The following LAMC1 variants were observed in gnomAD, a reference collection of about 807,000 sequenced individuals.
LAMC1 encodes laminin subunit gamma 1.
A neutral mutation model predicts 173.6 loss-of-function variants in LAMC1; 38 were observed. The ratio of observed to expected loss-of-function variants is 0.22; its 90% CI spans 0.17 to 0.29. The LOEUF (loss-of-function observed/expected upper bound fraction) is 0.29, where lower values mean the gene tolerates loss of function less well. LAMC1 is among the 10% of genes least tolerant of loss of function. The pLI, the probability that LAMC1 is intolerant of heterozygous loss-of-function variation, is 1.00. For missense variants in LAMC1, 1,824 were observed against 2,051.8 expected (o/e 0.89, Z 2.14); for synonymous variants, 746 against 749.1 (o/e 1.00, Z 0.07).
chr1:183,132,952 C>T (rs1303459114), intron 21 of LAMC1, among the ~76,000 whole-genome samples: 2 of 152,028 alleles, frequency 1.3e-5, no homozygotes, highest in Non-Finnish European at 2.9e-5. Flanking sequence ...CTCTTGTCCC[C>T]CAGGCTAAAG....
intron 27 of LAMC1, among the ~76,000 whole-genome samples, chr1:183,141,952 A>C (rs1260902494): frequency 1.3e-5 from 2 of 152,214 alleles, no homozygotes; most frequent in African/African-American, 4.8e-5. Context: ...CATTTCTTTC[A>C]AAAGAACCTC....
intron 11 of LAMC1, among the ~76,000 whole-genome samples, chr1:183,120,870 A>C (rs1026475738): frequency 6.6e-6 from 1 of 152,140 alleles, no homozygotes; most frequent in African/African-American, 2.4e-5. Context: ...AGAGGGCAGA[A>C]ATTATGTAAC....
intron 4 of LAMC1, among the ~76,000 whole-genome samples, chr1:183,112,731 C>T (rs1249776944): frequency 1.3e-5 from 2 of 151,846 alleles, no homozygotes; most frequent in Non-Finnish European, 1.5e-5. Context: ...TAAGCTAGGG[C>T]GTCTTGAGGG....
intron 15 of LAMC1, among the ~76,000 whole-genome samples, chr1:183,125,898 A>G (rs1241745757): frequency 6.6e-6 from 1 of 152,190 alleles, no homozygotes; most frequent in East Asian, 1.9e-4. Flanking sequence ...GCTGGAGAGC[A>G]CTGGTAGCAG....
chr1:183,116,728 TAAAA>T (rs201366456), intron 7 of LAMC1, 35 bp from the exon 8 acceptor site: 4 of 1,594,564 alleles, frequency 2.5e-6, no homozygotes, highest in South Asian at 2.2e-5. Flanking sequence ...ATATTTCAAG[TAAAA>T]AAAAAGTAAC....
intron 1 of LAMC1, among the ~76,000 whole-genome samples, chr1:183,052,152 T>C (rs1042187247): frequency 6.6e-6 from 1 of 152,152 alleles, no homozygotes; most frequent in Non-Finnish European, 1.5e-5. Flanking sequence ...TCACTTCTGC[T>C]TCCCCTGTTT....
At chr1:183,104,877 T>C (rs1170935564) in intron 2 of LAMC1, among the ~76,000 whole-genome samples, 3 of 151,882 alleles carry the variant, frequency 2.0e-5, no homozygotes, top group Non-Finnish European at 2.9e-5. Flanking sequence ...TAAGTTGTGT[T>C]CAAAATAAAT....
chr1:183,086,831 C>T (rs952065289), intron 1 of LAMC1, among the ~76,000 whole-genome samples: 8 of 152,154 alleles, frequency 5.3e-5, no homozygotes, highest in Non-Finnish European at 8.8e-5. Context: ...TGTCCTTCAT[C>T]TTTGCAAAAT....
Position 183,122,238 on chromosome 1 carries a change from T to C in LAMC1, c.2388T>C (p.Pro796=). The C allele has an allele frequency of 1.2e-6, 2 of 1,614,072 alleles. No homozygotes were observed. Among genetic ancestry groups the C allele is most frequent in the Non-Finnish European group, 8.5e-7 (1 of 1,179,954 alleles). Residue 796 remains proline (P), a synonymous_variant, in exon 13 of 28, where the codon CCT becomes CCC. Transcript: ENST00000258341. ...AGGAGGTGGTGTGCACCAACTGTCC[T>C]ACTGGCACCACTGGTAAGTCTGCTC... ...KTKEVVCTNC[P]TGTTGKRCEL...
intron 1 of LAMC1, among the ~76,000 whole-genome samples, chr1:183,032,877 C>CT (rs1393519654): frequency 6.6e-6 from 1 of 151,846 alleles, no homozygotes; most frequent in African/African-American, 2.4e-5. Context: ...TGACCAGTCT[C>CT]TTTTTTTTCC....
intron 1 of LAMC1, among the ~76,000 whole-genome samples, chr1:183,043,528 G>C (rs1369766299): frequency 6.6e-6 from 1 of 152,112 alleles, no homozygotes; most frequent in Admixed American, 6.5e-5. Context: ...AGCAGATAAA[G>C]TTTAATAGGA....
At chr1:183,115,744 A>G (rs770174475) in intron 6 of LAMC1, 107 bp downstream of exon 6, 3 of 800,560 alleles carry the variant, frequency 3.7e-6, no homozygotes, top group African/African-American at 1.7e-5. Context: ...TTTTCCTGTA[A>G]TAATTGTCAA....
chr1:183,126,189 G>A lies in LAMC1; in HGVS notation c.2871G>A (p.Gln957=), dbSNP rs201601443. ...CDIRTGQCEC[Q]PGITGQHCER... ...TCCGCACCGGCCAGTGTGAGTGCCA[G>A]CCCGGCATCACTGGTCAGCACTGTG... Residue 957 remains glutamine (Q), a synonymous_variant, in exon 16 of 28, where the codon CAG becomes CAA. Transcript: ENST00000258341. The A allele has an allele frequency of 1.2e-6, 2 of 1,614,100 alleles. No individual in the cohort carries two copies. Among genetic ancestry groups the A allele is most frequent in the Non-Finnish European group, 1.7e-6 (2 of 1,180,034 alleles).
In LAMC1 at chr1:183,145,200, C is replaced by T. The variant is rs1657224355; in HGVS notation, c.*2410C>T. On this transcript the variant is annotated 3_prime_UTR_variant, in exon 28 of 28. Transcript: ENST00000258341. ...CTTTCTTTTTGTTATTTGCTTTTCT[C>T]CTCCACCTGTGTGGTATATTTTTTA... The T allele has an allele frequency of 6.6e-6, 1 of 152,476 alleles. No homozygotes were observed. The highest frequency in any genetic ancestry group is 1.5e-5 in the Non-Finnish European group (1 of 68,042). The allele number at this position is 152,476 out of a possible 1,614,324, so 9.4% of individuals were successfully genotyped here. A position where few individuals can be genotyped will look rare whatever the true frequency, so the allele number is the denominator to read the frequency against.
At chr1:183,064,157 G>C (rs17534013) in intron 1 of LAMC1, among the ~76,000 whole-genome samples, 1 of 152,204 alleles carries the variant, frequency 6.6e-6, no homozygotes, top group Non-Finnish European at 1.5e-5. Context: ...GCATGGTACA[G>C]GGCAGTAATG....
intron 1 of LAMC1, among the ~76,000 whole-genome samples, chr1:183,077,772 T>TGG (rs1655151777): frequency 1.3e-5 from 1 of 78,388 alleles, no homozygotes; most frequent in Non-Finnish European, 3.2e-5. Context: ...TTTATGGCCA[T>TGG]TGTGTATATA....
chr1:183,142,618 A>G lies in LAMC1; in HGVS notation c.4658A>G (p.Asp1553Gly). 6.2e-7 allele frequency: 1 copy of G among 1,614,142 alleles called. No individual in the cohort carries two copies. Among genetic ancestry groups the G allele is most frequent in the Non-Finnish European group, 8.5e-7 (1 of 1,179,990 alleles). The part of the protein sequence containing the change: ...NKAKDEMKVS[D>G]LDRKVSDLEN... The stretch of plus-strand genomic sequence containing the variant: ...GCCAAAGATGAAATGAAGGTCAGCG[A>G]TCTTGATAGGAAAGTGTCTGACCTG... The change falls in exon 28 of 28, where the codon GAT (aspartate) becomes GGT (glycine). Residue 1553 changes from aspartate (D) to glycine (G), a missense_variant. By Grantham distance (94) the Asp-to-Gly change is moderately conservative. Coordinates refer to ENST00000258341, the MANE Select transcript of LAMC1 (RefSeq NM_002293.4).
intron 1 of LAMC1, among the ~76,000 whole-genome samples, chr1:183,042,110 A>C (rs1654151229): frequency 6.6e-6 from 1 of 152,166 alleles, no homozygotes; most frequent in Admixed American, 6.5e-5. Context: ...AAATCATTGA[A>C]GTTTGTTTCT....
At chr1:183,116,962 T>C in intron 8 of LAMC1, 59 bp downstream of exon 8, 1 of 1,518,242 alleles carries the variant, frequency 6.6e-7, no homozygotes, top group South Asian at 1.2e-5. Flanking sequence ...TAAAATATTT[T>C]TAAAAATAAA....
Sources: gnomAD v4.1 joint callset for allele counts (sites outside exome capture counted in the v4.1 genomes callset) on GRCh38, gnomAD v4.1.1 for gene constraint, MANE v1.5 for transcripts, NCBI Gene and HGNC (gene_info 2026-07-23, HGNC 2026-07-21) for gene names.